The following TTC19 variants were observed in gnomAD, a reference collection of about 807,000 sequenced individuals.
TTC19 encodes tetratricopeptide repeat domain 19.
Under a neutral mutation model 49.5 loss-of-function variants are expected in TTC19, and 38 were observed. The ratio of observed to expected loss-of-function variants is 0.77; its 90% CI spans 0.59 to 1.01. TTC19 has a LOEUF of 1.01. Ranked by LOEUF, TTC19 falls within the 50% of genes least tolerant of loss-of-function variation. The pLI is 0.00. For missense variants in TTC19, 475 were observed against 477.7 expected (o/e 0.99, Z 0.05); for synonymous variants, 204 against 185.2 (o/e 1.10, Z -0.83).
chr17:16,032,288 T>C, downstream of TTC19: 1 of 1,600,710 alleles, frequency 6.2e-7, no homozygotes. Flanking sequence ...CCCCTCACTT[T>C]GTGCAGTTCA....
chr17:16,026,208 C>T (rs1971551744), intron 8 of TTC19, among the ~76,000 whole-genome samples: 1 of 152,186 alleles, frequency 6.6e-6, no homozygotes, highest in African/African-American at 2.4e-5. Flanking sequence ...CTCAAAGTTG[C>T]TCAGCCTTAA....
chr17:16,033,718 A>G (rs2151814307), downstream of TTC19, among the ~76,000 whole-genome samples: 1 of 152,348 alleles, frequency 6.6e-6, no homozygotes, highest in Admixed American at 6.5e-5. Context: ...AAGTTTACAA[A>G]TAGGCACAAA....
downstream of TTC19, among the ~76,000 whole-genome samples, chr17:16,033,652 G>GTGTTA (rs1555534802): frequency 1.3e-5 from 2 of 151,460 alleles, no homozygotes; most frequent in Non-Finnish European, 2.9e-5. Context: ...TAATATCCCA[G>GTGTTA]TTTTAAAAGT....
At chr17:16,017,091 C>T (rs1971238108) in intron 7 of TTC19, among the ~76,000 whole-genome samples, 1 of 152,194 alleles carries the variant, frequency 6.6e-6, no homozygotes, top group Non-Finnish European at 1.5e-5. Flanking sequence ...GTCCCTTCAT[C>T]AGGAAAATGA....
At chr17:16,044,443 A>T (rs1284281970) in intron 2 of TTC19, 1 of 471,856 alleles carries the variant, frequency 2.1e-6, no homozygotes, top group Non-Finnish European at 4.4e-6. Flanking sequence ...TTCTTTTGAC[A>T]GGATCAGGAG....
rs1313527447 is a variant in TTC19, at chr17:16,028,607, A to T, written c.*1085A>T. On this transcript the variant is annotated 3_prime_UTR_variant, in exon 10 of 10. Coordinates refer to ENST00000261647, the MANE Select transcript of TTC19 (RefSeq NM_017775.4). ...GGATGCTCTTACTGCAGCAGTCATGAATACATTTTTAGCCATTTACCTAAG... is the reference window on the plus strand; with the variant it reads ...GGATGCTCTTACTGCAGCAGTCATGTATACATTTTTAGCCATTTACCTAAG... The T allele has an allele frequency of 2.2e-6, 1 of 453,936 alleles. No homozygotes were observed. Among genetic ancestry groups the T allele is most frequent in the Non-Finnish European group, 4.4e-6 (1 of 226,776 alleles). 28.1% of individuals were successfully genotyped at this position (453,936 alleles called of 1,614,324 possible).
intron 9 of TTC19, 155 bp from the exon 10 acceptor site, chr17:16,027,219 G>A (rs1345645973): frequency 2.4e-6 from 2 of 848,506 alleles, no homozygotes; most frequent in Non-Finnish European, 3.8e-6. Flanking sequence ...TGGAGTTCCA[G>A]CCTGTCAGAT....
chr17:16,042,475 T>C (rs2152077398), intron 2 of TTC19, among the ~76,000 whole-genome samples: 1 of 152,346 alleles, frequency 6.6e-6, no homozygotes, highest in Non-Finnish European at 1.5e-5. Flanking sequence ...CAGTGCAGTG[T>C]GGTACTTGCT....
At chr17:16,006,612 G>A (rs1970916947) in intron 7 of TTC19, 44 bp downstream of exon 7, 1 of 1,281,270 alleles carries the variant, frequency 7.8e-7, no homozygotes, top group South Asian at 1.2e-5. Flanking sequence ...TCCACAAAAG[G>A]CTTTACTTTA....
At position 16,006,562 on chromosome 17, in the gene TTC19, A is replaced by T. The variant is rs769747295; in HGVS notation, c.670A>T (p.Met224Leu). The change falls in exon 7 of 10, where the codon ATG becomes TTG. Residue 224 changes from methionine to leucine, a missense_variant. Coordinates refer to ENST00000261647, the MANE Select transcript of TTC19 (RefSeq NM_017775.4). ...AGAAAAGGAATTAGCAGAAGACATTATGTCAGGTAGGAAACCCATTATCTG... is the reference window on the plus strand; with the variant it reads ...AGAAAAGGAATTAGCAGAAGACATTTTGTCAGGTAGGAAACCCATTATCTG... ...EREKELAEDI[M>L]SVEEKANTHL... is the part of the protein sequence containing the mutation. 6.2e-7 allele frequency: 1 copy of T among 1,604,154 alleles called. No individual in the cohort carries two copies. Among genetic ancestry groups the T allele is most frequent in the Non-Finnish European group, 8.5e-7 (1 of 1,170,870 alleles).
rs765464563 is a variant in TTC19, at chr17:16,002,808, T to C, written c.439T>C (p.Phe147Leu). ...TTGCTTTCAGATGGCCAACTTAGCA[T>C]TTATACGGGGTCAGCTTGAAAATGT... ...YTYDLMANLA[F>L]IRGQLENAEQ... The change falls in exon 4 of 10, where the codon TTT (phenylalanine) becomes CTT (leucine). Residue 147 changes from phenylalanine to leucine, a missense_variant. Coordinates refer to ENST00000261647, the MANE Select transcript of TTC19 (RefSeq NM_017775.4). 14 of 1,614,074 alleles carry C rather than the reference T, an allele frequency of 8.7e-6. No individual in the cohort carries two copies. Among genetic ancestry groups the C allele is most frequent in the Non-Finnish European group, 1.2e-5 (14 of 1,179,994 alleles).
Position 16,034,545 on chromosome 17 carries a change from C to T in TTC19, c.247+7843C>T, listed in dbSNP as rs537091450. Among the ~76,000 whole-genome samples the T allele has an allele frequency of 8.5e-5, 13 of 152,180 alleles. No homozygotes were observed. The East Asian group carries it at 2.1e-3, about 25-fold the overall frequency. Reference sequence around the variant, plus strand: ...ATCACCTGAGCCTCAGAGGTCGAGGCTGCAGTGAGCCATGATCATGCCATT... The same window carrying T: ...ATCACCTGAGCCTCAGAGGTCGAGGTTGCAGTGAGCCATGATCATGCCATT... On this transcript the variant is annotated intron_variant, in intron 2 of 2. Coordinates refer to the TTC19 transcript ENST00000470649.
intron 7 of TTC19, chr17:16,023,473 T>C (rs1010833940): frequency 7.9e-5 from 12 of 152,242 alleles, no homozygotes; most frequent in African/African-American, 2.9e-4. Context: ...TATAGCATTC[T>C]GTTTTTAGTA....
intron 7 of TTC19, among the ~76,000 whole-genome samples, chr17:16,008,782 G>A (rs990271471): frequency 2.6e-5 from 4 of 151,898 alleles, no homozygotes; most frequent in Admixed American, 1.3e-4. Flanking sequence ...GCCAACTCCC[G>A]TACTTCACTC....
At chr17:16,020,395 C>T (rs11869450) in intron 7 of TTC19, among the ~76,000 whole-genome samples, 97,032 of 152,050 alleles carry the variant, frequency 0.64, 32,451 homozygotes, top group African/African-American at 0.84. Flanking sequence ...GAGTTCCTTA[C>T]GTATTCGATC....
intron 7 of TTC19, among the ~76,000 whole-genome samples, chr17:16,021,884 G>T (rs1971395515): frequency 6.6e-6 from 1 of 152,102 alleles, no homozygotes; most frequent in Admixed American, 6.5e-5. Context: ...GAATAGTTTT[G>T]TGTCTTCCAG....
downstream of TTC19, chr17:16,029,915 G>C (rs1317740692): frequency 6.5e-6 from 1 of 154,674 alleles, no homozygotes; most frequent in African/African-American, 2.4e-5. Context: ...GCAAGAGTAA[G>C]AAGTTAGGCT....
Position 16,004,408 on chromosome 17 carries a change from G to C in TTC19, c.581+146G>C. 4 of 827,300 alleles carry C rather than the reference G, an allele frequency of 4.8e-6. No individual in the cohort carries two copies. In the South Asian group the frequency reaches 5.7e-5, roughly 12 times the overall value. The allele number at this position is 827,300 out of a possible 1,614,324, so 51.2% of individuals were successfully genotyped here. On this transcript the variant is annotated intron_variant, in intron 6 of 9. Transcript: ENST00000261647. ...TGTTCCATCCCTCATCTTTGAAATT[G>C]TCAGTCTTTTTCCAGTTTGCCCCTA...
At chr17:16,003,396 G>C (rs1012705869) in intron 4 of TTC19, among the ~76,000 whole-genome samples, 3 of 151,018 alleles carry the variant, frequency 2.0e-5, no homozygotes, top group Non-Finnish European at 4.4e-5. Context: ...GATTCCAGGC[G>C]TGTGCCACAA....
Sources: allele counts gnomAD v4.1 joint callset (sites outside exome capture counted in the v4.1 genomes callset), GRCh38; gene constraint gnomAD v4.1.1; transcripts MANE v1.5; gene names NCBI Gene and HGNC (gene_info 2026-07-23, HGNC 2026-07-21).